NIPA2: variants seen among roughly 807,000 people sequenced by gnomAD.
NIPA2 encodes the protein NIPA magnesium transporter 2.
NIPA2 carries 11 observed loss-of-function variants against 29.7 expected under a neutral mutation model. The ratio of observed to expected loss-of-function variants is 0.37; its 90% CI spans 0.23 to 0.61. The LOEUF (loss-of-function observed/expected upper bound fraction) is 0.61. Ranked by LOEUF, NIPA2 falls within the 20% of genes least tolerant of loss-of-function variation. NIPA2 has a pLI of 0.66. For missense variants in NIPA2, 426 were observed against 437.9 expected, an observed-to-expected ratio of 0.97 and a Z score of 0.24; for synonymous variants, 183 against 161.9, an observed-to-expected ratio of 1.13 and a Z score of -0.99.
Position 22,866,820 on chromosome 15 carries a change from A to G in NIPA2, c.1056A>G (p.Arg352=), listed in dbSNP as rs1244800599. 1.3e-6 allele frequency: 2 copies of G among 1,596,374 alleles called. No individual in the cohort carries two copies. Among genetic ancestry groups the G allele is most frequent in the African/African-American group, 1.3e-5 (1 of 74,116 alleles). The change falls in exon 8 of 8, where the codon CGA becomes CGG. Residue 352 remains arginine (R), a synonymous_variant. Transcript: ENST00000337451. ...AACACACTGGTGAAAATGTCTCCCG[A>G]AGAAATGGAAATCTGACAGCTTTTT... is the stretch of plus-strand genomic sequence containing the variant. The part of the protein sequence containing the change: ...IEQHTGENVS[R]RNGNLTAF
At chr15:22,852,374 C>CAGG (rs2057820159) in intron 4 of NIPA2, among the ~76,000 whole-genome samples, 1 of 151,794 alleles carries the variant, frequency 6.6e-6, no homozygotes, top group East Asian at 1.9e-4. Flanking sequence ...GATGAGGCAG[C>CAGG]AGAATCGCTT....
At chr15:22,841,616 C>T (rs1247551927) in intron 2 of NIPA2, among the ~76,000 whole-genome samples, 2 of 152,090 alleles carry the variant, frequency 1.3e-5, no homozygotes, top group Non-Finnish European at 2.9e-5. Context: ...TCTAGCGATT[C>T]TCCTGCCTCA....
In NIPA2 at chr15:22,865,923, C is replaced by T. The variant is rs191537382; in HGVS notation, c.449-290C>T. Among the ~76,000 whole-genome samples, 6 of 152,150 alleles carry T rather than the reference C, an allele frequency of 3.9e-5. No homozygotes were observed. The East Asian group carries it at 1.2e-3, about 29-fold the overall frequency. ...CTAGTTTCTGTGTCTGTTCTGTTCCCACTGTCCCTCTTGCCTGGTGAGCTA... is the reference window on the plus strand; with the variant it reads ...CTAGTTTCTGTGTCTGTTCTGTTCCTACTGTCCCTCTTGCCTGGTGAGCTA... On this transcript the variant is annotated intron_variant, in intron 7 of 7. Transcript: ENST00000337451.
chr15:22,839,399 A>G (rs1896404519), intron 1 of NIPA2, among the ~76,000 whole-genome samples: 2 of 152,102 alleles, frequency 1.3e-5, no homozygotes, highest in Admixed American at 1.3e-4. Context: ...TTAATACAGG[A>G]CTGCATGTTA....
chr15:22,864,964 C>T (rs147532211), intron 7 of NIPA2, among the ~76,000 whole-genome samples: 4,068 of 152,042 alleles, frequency 0.027, 197 homozygotes, highest in East Asian at 0.23. Context: ...CAGATTCAAG[C>T]GATTCTCCTG....
rs1896237900 is a variant in NIPA2 at position 22,838,849 on chromosome 15, TGTG to T, written c.-422_-420del. The T allele has an allele frequency of 6.6e-6, 1 of 152,316 alleles. No homozygotes were observed. Among genetic ancestry groups the T allele is most frequent in the African/African-American group, 2.4e-5 (1 of 41,402 alleles). 9.4% of individuals were successfully genotyped at this position (152,316 alleles called of 1,614,324 possible). On this transcript the variant is annotated 5_prime_UTR_variant, in exon 1 of 8. Coordinates refer to ENST00000337451, the MANE Select transcript of NIPA2 (RefSeq NM_030922.7). ...TGCGAGCGCAGGACTGGGCGGCCTG[TGTG>T]GGGGTGTGAGCCGCGGTGCCCAAGG...
intron 2 of NIPA2, among the ~76,000 whole-genome samples, chr15:22,843,673 C>T (rs1410972937): frequency 6.7e-6 from 1 of 149,382 alleles, no homozygotes; most frequent in African/African-American, 2.5e-5. Context: ...TTTTTTGAGA[C>T]GGAGTCTCGC....
At chr15:22,842,337 G>C (rs28496407) in intron 2 of NIPA2, among the ~76,000 whole-genome samples, 1 of 152,204 alleles carries the variant, frequency 6.6e-6, no homozygotes, top group African/African-American at 2.4e-5. Context: ...GAGCAGGTTA[G>C]AATAGCAGCA....
intron 3 of NIPA2, among the ~76,000 whole-genome samples, chr15:22,846,321 G>C (rs988594781): frequency 6.6e-6 from 1 of 152,160 alleles, no homozygotes; most frequent in African/African-American, 2.4e-5. Context: ...TTGGCATCTT[G>C]GGGAGGGAAG....
intron 3 of NIPA2, among the ~76,000 whole-genome samples, chr15:22,847,819 C>CA (rs1427127757): frequency 2.6e-5 from 4 of 151,298 alleles, no homozygotes; most frequent in African/African-American, 7.3e-5. Flanking sequence ...TTTTTTGAGA[C>CA]AGAGTTTCTA....
intron 5 of NIPA2, among the ~76,000 whole-genome samples, chr15:22,857,836 CA>C (rs60523225): frequency 0.26 from 17,731 of 68,376 alleles, 831 homozygotes; most frequent in African/African-American, 0.38. Flanking sequence ...GACTCCATCT[CA>C]AAAAAAAAAA....
Position 22,838,759 on chromosome 15 carries a change from G to T in NIPA2, c.-514G>T, listed in dbSNP as rs568134373. On this transcript the variant is annotated 5_prime_UTR_variant, in exon 1 of 8. Coordinates refer to ENST00000337451, the MANE Select transcript of NIPA2 (RefSeq NM_030922.7). Reference sequence around the variant, plus strand: ...CTCGGCGCTTCTCCATGGAGGAGGCGGTGCGAACGGCTTCAGCCCCGAATG... The same window carrying T: ...CTCGGCGCTTCTCCATGGAGGAGGCTGTGCGAACGGCTTCAGCCCCGAATG... 1 of 152,746 alleles carries T rather than the reference G, an allele frequency of 6.5e-6. No individual in the cohort carries two copies. Among genetic ancestry groups the T allele is most frequent in the Admixed American group, 6.5e-5 (1 of 15,308 alleles). 9.5% of individuals were successfully genotyped at this position (152,746 alleles called of 1,614,324 possible).
rs1482187427 is a variant in NIPA2 at position 22,867,878 on chromosome 15, G to GCAAA, written c.*1034_*1037dup. Reference sequence around the variant, plus strand: ...TTTATGAAGAAGTCGATGGAAAACTGCAAACATATGCAGAAAAGGTAGAAT... The same window carrying GCAAA: ...TTTATGAAGAAGTCGATGGAAAACTGCAAACAAACATATGCAGAAAAGGTAGAAT... On this transcript the variant is annotated 3_prime_UTR_variant, in exon 8 of 8. Coordinates refer to ENST00000337451, the MANE Select transcript of NIPA2 (RefSeq NM_030922.7). The GCAAA allele has an allele frequency of 3.3e-5, 5 of 152,274 alleles. No homozygotes were observed. Among genetic ancestry groups the GCAAA allele is most frequent in the South Asian group, 4.1e-4 (2 of 4,828 alleles). 9.4% of individuals were successfully genotyped at this position (152,274 alleles called of 1,614,324 possible).
chr15:22,854,382 C>G lies in NIPA2; in HGVS notation c.196+1114C>G, dbSNP rs1458884250. Reference sequence around the variant, plus strand: ...CCTTGTGATCTGTCTGCCTCAGCCTCCCAAAGTGCTGGGATTACAGGTGTG... The same window carrying G: ...CCTTGTGATCTGTCTGCCTCAGCCTGCCAAAGTGCTGGGATTACAGGTGTG... On this transcript the variant is annotated intron_variant, in intron 5 of 7. Transcript: ENST00000337451. Among the ~76,000 whole-genome samples, 8 of 151,962 alleles carry G rather than the reference C, an allele frequency of 5.3e-5. No homozygotes were observed. In the East Asian group the frequency reaches 1.6e-3, roughly 30 times the overall value.
At chr15:22,841,809 A>C (rs1897171179) in intron 2 of NIPA2, among the ~76,000 whole-genome samples, 1 of 151,930 alleles carries the variant, frequency 6.6e-6, no homozygotes, top group East Asian at 1.9e-4. Flanking sequence ...GCCCGGCCGG[A>C]CACTCGCTTT....
At chr15:22,864,180 G>C (rs1042120252) in intron 7 of NIPA2, among the ~76,000 whole-genome samples, 1 of 151,964 alleles carries the variant, frequency 6.6e-6, no homozygotes, top group Non-Finnish European at 1.5e-5. Flanking sequence ...TTTTGAGACA[G>C]AGTCTTGCTC....
chr15:22,850,678 G>C (rs771349313), intron 3 of NIPA2, among the ~76,000 whole-genome samples: 9 of 152,158 alleles, frequency 5.9e-5, no homozygotes, highest in Non-Finnish European at 8.8e-5. Flanking sequence ...TGTTTGAATG[G>C]ATGGATAAAG....
At chr15:22,850,692 T>C (rs749610705) in intron 3 of NIPA2, among the ~76,000 whole-genome samples, 19 of 152,086 alleles carry the variant, frequency 1.2e-4, no homozygotes, top group Non-Finnish European at 2.5e-4. Flanking sequence ...GATAAAGTAA[T>C]TGAGGGGCTA....
At chr15:22,845,947 CAT>C (rs1898508653) in intron 3 of NIPA2, among the ~76,000 whole-genome samples, 1 of 152,238 alleles carries the variant, frequency 6.6e-6, no homozygotes, top group South Asian at 2.1e-4. Flanking sequence ...GAGAAAATCT[CAT>C]ATGATAGCCT....
Sources: allele counts gnomAD v4.1 joint callset (sites outside exome capture counted in the v4.1 genomes callset), GRCh38; gene constraint gnomAD v4.1.1; transcripts MANE v1.5; gene names NCBI Gene and HGNC (gene_info 2026-07-23, HGNC 2026-07-21).